The following DNAH17 variants were observed in gnomAD, a reference collection of about 807,000 sequenced individuals.
DNAH17 encodes dynein axonemal heavy chain 17.
In DNAH17, 376 loss-of-function variants were observed where a neutral mutation model predicts 485.6. That is an observed-to-expected ratio of 0.77 (90% CI 0.71 to 0.84). DNAH17 has a LOEUF of 0.84. Among genes scored for constraint, DNAH17 ranks in the 40% least tolerant of loss-of-function variants. The probability of loss-of-function intolerance (pLI) is 0.00; values close to 1 mark genes in which losing one functional copy is unlikely to be tolerated. For missense variants in DNAH17, 6,370 were observed against 5,839.3 expected, an observed-to-expected ratio of 1.09 and a Z score of -2.96; for synonymous variants, 3,031 against 2,405.9, an observed-to-expected ratio of 1.26 and a Z score of -7.60.
chr17:78,445,694 G>A lies in DNAH17; in HGVS notation c.11212-14C>T. 6.3e-7 allele frequency: 1 copy of A among 1,589,284 alleles called. No individual in the cohort carries two copies. The highest frequency in any genetic ancestry group is 8.6e-7 in the Non-Finnish European group (1 of 1,168,158). On this transcript the variant is annotated splice_polypyrimidine_tract_variant and intron_variant, in intron 69 of 80. Transcript: ENST00000389840. The stretch of plus-strand genomic sequence containing the variant: ...CATGGACAGGACCTGGGGGAACATC[G>A]AGGTGTACACACTTAACGCAGCCAG...
At chr17:78,488,923 G>C (rs1351867478) in intron 44 of DNAH17, among the ~76,000 whole-genome samples, 1 of 152,024 alleles carries the variant, frequency 6.6e-6, no homozygotes, top group Non-Finnish European at 1.5e-5. Flanking sequence ...GCCTGGGACA[G>C]GTTCTCCCGC....
At chr17:78,496,490 T>G (rs1469074628) in intron 37 of DNAH17, among the ~76,000 whole-genome samples, 1 of 151,826 alleles carries the variant, frequency 6.6e-6, no homozygotes, top group Non-Finnish European at 1.5e-5. Flanking sequence ...GGCGCGACAC[T>G]GAGGCCAGCA....
intron 65 of DNAH17, 149 bp downstream of exon 65, chr17:78,453,194 C>T (rs1042897325): frequency 2.9e-6 from 3 of 1,018,918 alleles, no homozygotes; most frequent in Admixed American, 2.8e-5. Context: ...GCTGGGGGTT[C>T]CTTCCCACCA....
intron 61 of DNAH17, 134 bp downstream of exon 61, chr17:78,458,867 G>C: frequency 8.9e-7 from 1 of 1,125,914 alleles, no homozygotes; most frequent in Non-Finnish European, 1.3e-6. Context: ...CCCTGCCTCT[G>C]CCTGCATCCT....
At chr17:78,568,011 C>A (rs772571134) in intron 9 of DNAH17, among the ~76,000 whole-genome samples, 4 of 152,182 alleles carry the variant, frequency 2.6e-5, no homozygotes, top group Admixed American at 1.3e-4. Context: ...GTCCACGAAG[C>A]ATCAGGCCAC....
chr17:78,573,774 C>A (rs1399104232), intron 2 of DNAH17, among the ~76,000 whole-genome samples: 1 of 151,528 alleles, frequency 6.6e-6, no homozygotes, highest in Admixed American at 6.6e-5. Flanking sequence ...GAAAACCAAC[C>A]CCGCCGACAC....
intron 39 of DNAH17, 50 bp downstream of exon 39, chr17:78,494,909 G>C (rs72927807): frequency 9.5e-6 from 15 of 1,585,316 alleles, no homozygotes; most frequent in African/African-American, 1.3e-5. Flanking sequence ...GCTGCTGCCC[G>C]CATCTCAAAC....
At chr17:78,549,858 C>A (rs1410076229) in intron 16 of DNAH17, among the ~76,000 whole-genome samples, 1 of 152,190 alleles carries the variant, frequency 6.6e-6, no homozygotes, top group Non-Finnish European at 1.5e-5. Flanking sequence ...CCTGCTGCGG[C>A]CCCTGCTGAA....
At chr17:78,483,834 C>T (rs2089459748) in intron 48 of DNAH17, among the ~76,000 whole-genome samples, 1 of 151,772 alleles carries the variant, frequency 6.6e-6, no homozygotes, top group African/African-American at 2.4e-5. Context: ...CGGTGGCTCA[C>T]ACCTCTAATC....
At chr17:78,468,963 AC>A (rs1459086389) in intron 54 of DNAH17, 80 bp from the exon 55 acceptor site, 4 of 1,500,210 alleles carry the variant, frequency 2.7e-6, no homozygotes, top group Non-Finnish European at 3.6e-6. Context: ...CAACCAGAGC[AC>A]AGGGCCATTT....
In DNAH17 at chr17:78,501,232, T is replaced by C; in HGVS notation, c.5435A>G (p.Glu1812Gly). The C allele has an allele frequency of 6.2e-7, 1 of 1,605,298 alleles. No homozygotes were observed. Among genetic ancestry groups the C allele is most frequent in the Non-Finnish European group, 8.5e-7 (1 of 1,173,084 alleles). Reference protein sequence around the residue: ...ICDAQIQYSYEYLGNTPRLVI... With the variant: ...ICDAQIQYSYGYLGNTPRLVI... The stretch of plus-strand genomic sequence containing the variant: ...CAGCCGCGGCGTGTTGCCCAGATAC[T>C]CATAGGAATACTGGATTTGGGCATC... Residue 1812 changes from glutamate (E) to glycine (G), a missense_variant, in exon 35 of 81, where the codon GAG becomes GGG. Physicochemically the swap from Glu to Gly is moderately conservative, Grantham distance 98. Transcript: ENST00000389840.
chr17:78,536,963 CAGG>C (rs1263928070), intron 19 of DNAH17, among the ~76,000 whole-genome samples: 1 of 151,894 alleles, frequency 6.6e-6, no homozygotes, highest in Non-Finnish European at 1.5e-5. Flanking sequence ...ATCATGAGTT[CAGG>C]AGATCCAGAC....
In DNAH17 at chr17:78,569,240, C is replaced by T. The variant is rs201447392; in HGVS notation, c.1210G>A (p.Val404Met). 2.8e-5 allele frequency: 45 copies of T among 1,606,872 alleles called. No homozygotes were observed. Among genetic ancestry groups the T allele is most frequent in the Admixed American group, 2.6e-4 (15 of 58,802 alleles). The change falls in exon 9 of 81, where the codon GTG becomes ATG. Residue 404 changes from valine (V) to methionine (M), a missense_variant. Val to Met is a conservative substitution (Grantham distance 21). Transcript: ENST00000389840. ...AGAGAAGAAGGGAATTCCCAAGGCA[C>T]GGGCTCTTTGTCCTTAGAGGAGAGA... ...MKLFFKDKEP[V>M]PWEFPSSLAF...
Position 78,532,699 on chromosome 17 carries a change from C to G in DNAH17, c.2897G>C (p.Arg966Thr). 1 of 1,593,520 alleles carries G rather than the reference C, an allele frequency of 6.3e-7. No homozygotes were observed. The highest frequency in any genetic ancestry group is 8.6e-7 in the Non-Finnish European group (1 of 1,168,892). The change falls in exon 20 of 81, where the codon AGG becomes ACG. Residue 966 changes from arginine to threonine, a missense_variant. Transcript: ENST00000389840. ...LEDNTDLIEM[R>T]EEVSSLVINA... The stretch of plus-strand genomic sequence containing the variant: ...GATGACCAGGCTGGACACCTCCTCC[C>G]TCATCTCTATGAGGTCTGTGTTATC...
At chr17:78,561,675 G>A (rs1018887090) in intron 12 of DNAH17, 40 bp downstream of exon 12, 2 of 1,563,490 alleles carry the variant, frequency 1.3e-6, no homozygotes, top group African/African-American at 2.7e-5. Context: ...CCCGCACCAT[G>A]GAGGCGGGGT....
rs368136667 is a variant in DNAH17 at position 78,532,745 on chromosome 17, G to A, written c.2860-9C>T. 6 of 1,582,636 alleles carry A rather than the reference G, an allele frequency of 3.8e-6. No individual in the cohort carries two copies. The highest frequency in any genetic ancestry group is 1.8e-5 in the Admixed American group (1 of 56,218). On this transcript the variant is annotated splice_polypyrimidine_tract_variant and intron_variant, in intron 19 of 80. Transcript: ENST00000389840. ...TTATCTTCCAGGTCCATCTGAAAGG[G>A]GCAGGGGAGAAGCAAAAAGGGGAGG... is the stretch of plus-strand genomic sequence containing the variant.
rs201786775 is a variant in DNAH17 at position 78,479,559 on chromosome 17, G to A, written c.7826C>T (p.Thr2609Met). The A allele has an allele frequency of 6.3e-5, 102 of 1,613,648 alleles. No homozygotes were observed. Among genetic ancestry groups the A allele is most frequent in the African/African-American group, 4.4e-4 (33 of 75,034 alleles). The change falls in exon 50 of 81, where the codon ACG becomes ATG. Residue 2609 changes from threonine to methionine, a missense_variant. Thr to Met is a moderately conservative substitution (Grantham distance 81, BLOSUM62 -1). Coordinates refer to ENST00000389840, the MANE Select transcript of DNAH17 (RefSeq NM_173628.4). ...ALTTIYNTIL[T>M]QHLAFRSVSM... Reference sequence around the variant, plus strand: ...GACCGAGCGGAAGGCCAGGTGCTGCGTCAGGATTGTGTTGTAGATGGTGGT... The same window carrying A: ...GACCGAGCGGAAGGCCAGGTGCTGCATCAGGATTGTGTTGTAGATGGTGGT...
intron 26 of DNAH17, among the ~76,000 whole-genome samples, chr17:78,514,316 C>T (rs928752987): frequency 6.6e-6 from 1 of 151,824 alleles, no homozygotes. Context: ...ACCAGCCTGG[C>T]CAATATGGTG....
intron 16 of DNAH17, among the ~76,000 whole-genome samples, chr17:78,545,331 G>C (rs1287509976): frequency 6.6e-6 from 1 of 152,094 alleles, no homozygotes; most frequent in African/African-American, 2.4e-5. Flanking sequence ...ATATGTCTTA[G>C]TCAGCTTAGA....
Sources: gnomAD v4.1 joint callset for allele counts (sites outside exome capture counted in the v4.1 genomes callset) on GRCh38, gnomAD v4.1.1 for gene constraint, MANE v1.5 for transcripts, NCBI Gene and HGNC (gene_info 2026-07-23, HGNC 2026-07-21) for gene names.